Variants in WRN observed in about 807,000 individuals in gnomAD.
WRN encodes the protein WRN RecQ like helicase, also known as bifunctional 3'-5' exonuclease/ATP-dependent helicase WRN.
A neutral mutation model predicts 180.7 loss-of-function variants in WRN; 149 were observed. The observed-to-expected ratio is 0.82, with a 90% CI of 0.72 to 0.94. The LOEUF is 0.94. Ranked by LOEUF, WRN falls within the 40% of genes least tolerant of loss-of-function variation. The pLI is 0.00. For synonymous variants in WRN, 548 were observed against 568.9 expected (o/e 0.96, Z 0.52); for missense variants, 1,661 against 1,700.1 (o/e 0.98, Z 0.40).
At chr8:31,161,698 G>T (rs1047347998) in intron 33 of WRN, among the ~76,000 whole-genome samples, 1 of 152,036 alleles carries the variant, frequency 6.6e-6, no homozygotes, top group South Asian at 2.1e-4. Flanking sequence ...AATTAGCTGG[G>T]CGTGGTGTTG....
chr8:31,117,888 A>T (rs892291010), intron 20 of WRN, among the ~76,000 whole-genome samples: 2 of 152,074 alleles, frequency 1.3e-5, no homozygotes, highest in African/African-American at 4.8e-5. Flanking sequence ...TTTTATCCAA[A>T]TTCTTCAGTG....
At position 31,068,246 on chromosome 8, in the gene WRN, GT is replaced by G. The variant is rs767379484; in HGVS notation, c.655-5del. ...TTTAGCATACTTTTTAAATTTTTCTGTTTTTTTATAGGCTGGTTTTATTATT... is the reference window on the plus strand; with the variant it reads ...TTTAGCATACTTTTTAAATTTTTCTGTTTTTTATAGGCTGGTTTTATTATT... On this transcript the variant is annotated splice_polypyrimidine_tract_variant and intron_variant, in intron 6 of 34. Coordinates refer to ENST00000298139, the MANE Select transcript of WRN (RefSeq NM_000553.6). 1 of 1,590,614 alleles carries G rather than the reference GT, an allele frequency of 6.3e-7. No individual in the cohort carries two copies.
intron 11 of WRN, among the ~76,000 whole-genome samples, chr8:31,086,210 T>A (rs1813525205): frequency 6.6e-6 from 1 of 152,124 alleles, no homozygotes; most frequent in African/African-American, 2.4e-5. Flanking sequence ...ATTTTTTTAT[T>A]TTTATGAAAT....
intron 30 of WRN, among the ~76,000 whole-genome samples, chr8:31,148,414 G>GT (rs1032253226): frequency 6.6e-5 from 10 of 151,626 alleles, no homozygotes; most frequent in Admixed American, 1.3e-4. Flanking sequence ...CTGCTTAAAT[G>GT]TTTTTTTTCT....
At chr8:31,122,614 C>T (rs73583742) in intron 21 of WRN, among the ~76,000 whole-genome samples, 2,518 of 151,868 alleles carry the variant, frequency 0.017, 72 homozygotes, top group African/African-American at 0.058. Flanking sequence ...TCAGTGGATC[C>T]AAATGATTGC....
chr8:31,064,365 A>G lies in WRN; in HGVS notation c.286A>G (p.Lys96Glu). The part of the protein sequence containing the change: ...PPLYNRGKLG[K>E]VALIQLCVSE... ...ATTATACAATAGAGGGAAACTTGGCAAAGTTGCACTAATTCAGTTGTGTGT... is the reference window on the plus strand; with the variant it reads ...ATTATACAATAGAGGGAAACTTGGCGAAGTTGCACTAATTCAGTTGTGTGT... The change falls in exon 4 of 35, where the codon AAA (lysine) becomes GAA (glutamate). Residue 96 changes from lysine to glutamate, a missense_variant. Around this residue, in one of 3 missense-constraint regions of WRN, gnomAD observed 500 missense variants for 504.1 expected, o/e 0.99. Coordinates refer to ENST00000298139, the MANE Select transcript of WRN (RefSeq NM_000553.6). The G allele has an allele frequency of 2.5e-6, 4 of 1,614,198 alleles. No individual in the cohort carries two copies. Among genetic ancestry groups the G allele is most frequent in the Non-Finnish European group, 2.5e-6 (3 of 1,180,022 alleles).
At chr8:31,065,552 C>G (rs780813267) in intron 5 of WRN, among the ~76,000 whole-genome samples, 8 of 152,138 alleles carry the variant, frequency 5.3e-5, no homozygotes, top group Non-Finnish European at 1.0e-4. Context: ...CATGTCCCTG[C>G]AAAGGACATG....
intron 17 of WRN, among the ~76,000 whole-genome samples, chr8:31,097,824 A>G (rs1016798767): frequency 2.0e-5 from 3 of 152,186 alleles, no homozygotes; most frequent in African/African-American, 7.2e-5. Flanking sequence ...TAACTATCCA[A>G]GAATTGCAAT....
At chr8:31,105,877 G>A (rs150262769) in intron 18 of WRN, among the ~76,000 whole-genome samples, 6 of 152,274 alleles carry the variant, frequency 3.9e-5, no homozygotes, top group African/African-American at 1.4e-4. Context: ...AGCATTTGGT[G>A]TTGTCACTAT....
chr8:31,154,838 G>C, intron 32 of WRN, 83 bp downstream of exon 32: 1 of 1,534,872 alleles, frequency 6.5e-7, no homozygotes, highest in Non-Finnish European at 8.9e-7. Context: ...TTAAAGTTCT[G>C]ACTTGGGATC....
intron 17 of WRN, among the ~76,000 whole-genome samples, chr8:31,100,005 C>T (rs184948206): frequency 6.6e-6 from 1 of 152,250 alleles, no homozygotes; most frequent in East Asian, 1.9e-4. Context: ...TTTAATCATC[C>T]TCCTCCTAGT....
chr8:31,163,852 C>A (rs1479382233), intron 33 of WRN, among the ~76,000 whole-genome samples: 1 of 136,990 alleles, frequency 7.3e-6, no homozygotes, highest in African/African-American at 2.8e-5. Context: ...TAACCATGAG[C>A]TCTTTTTTTT....
intron 8 of WRN, among the ~76,000 whole-genome samples, chr8:31,079,167 T>G (rs924200343): frequency 6.6e-6 from 1 of 152,224 alleles, no homozygotes; most frequent in African/African-American, 2.4e-5. Context: ...TGCTCTTGAT[T>G]TTGTTTGTGT....
chr8:31,125,971 A>AATAT (rs55952524), intron 23 of WRN, among the ~76,000 whole-genome samples: 2,811 of 145,486 alleles, frequency 0.019, 42 homozygotes, highest in African/African-American at 0.026. Flanking sequence ...CATCATCCTA[A>AATAT]ATATATATAT....
intron 23 of WRN, among the ~76,000 whole-genome samples, chr8:31,129,397 T>C (rs1802057121): frequency 6.6e-6 from 1 of 152,244 alleles, no homozygotes; most frequent in South Asian, 2.1e-4. Context: ...CTATAAAGCC[T>C]GAAATACTTA....
intron 28 of WRN, among the ~76,000 whole-genome samples, chr8:31,143,885 T>TA (rs533487881): frequency 3.7e-4 from 56 of 152,278 alleles, no homozygotes; most frequent in African/African-American, 1.3e-3. Flanking sequence ...ATTTAATTCT[T>TA]ACAAGAGTCT....
At chr8:31,034,576 G>A (rs924453464) in intron 1 of WRN, among the ~76,000 whole-genome samples, 2 of 152,130 alleles carry the variant, frequency 1.3e-5, no homozygotes, top group African/African-American at 2.4e-5. Flanking sequence ...ATTGGGATAA[G>A]TAGGACAGTT....
At chr8:31,116,614 A>G in intron 20 of WRN, 86 bp downstream of exon 20, 3 of 1,560,952 alleles carry the variant, frequency 1.9e-6, no homozygotes, top group Non-Finnish European at 2.6e-6. Context: ...TCTTTATTGA[A>G]TACTTTCTTT....
At chr8:31,150,761 G>A (rs1346821385) in intron 31 of WRN, among the ~76,000 whole-genome samples, 3 of 152,108 alleles carry the variant, frequency 2.0e-5, no homozygotes, top group African/African-American at 7.2e-5. Context: ...ATTCAAATGT[G>A]GTAGTTGGAA....
Sources: allele counts gnomAD v4.1 joint callset (sites outside exome capture counted in the v4.1 genomes callset), GRCh38; gene constraint gnomAD v4.1.1; regional missense constraint gnomAD v4.1.1; transcripts MANE v1.5; gene names NCBI Gene and HGNC (gene_info 2026-07-23, HGNC 2026-07-21).